The following FAM184B variants were observed in gnomAD, a reference collection of about 807,000 sequenced individuals.
The protein encoded by FAM184B is protein FAM184B.
A neutral mutation model predicts 135.9 loss-of-function variants in FAM184B; 111 were observed. That is an observed-to-expected ratio of 0.82 (90% CI 0.70 to 0.96). FAM184B has a LOEUF of 0.96. Among genes scored for constraint, FAM184B ranks in the 40% least tolerant of loss-of-function variants. The probability of loss-of-function intolerance (pLI) is 0.00; values close to 1 mark genes in which losing one functional copy is unlikely to be tolerated. For synonymous variants in FAM184B, 552 were observed against 524.8 expected (o/e 1.05, Z -0.71); for missense variants, 1,375 against 1,323.9 (o/e 1.04, Z -0.60).
intron 10 of FAM184B, among the ~76,000 whole-genome samples, chr4:17,655,599 C>A (rs1157974778): frequency 6.6e-6 from 1 of 152,206 alleles, no homozygotes; most frequent in Non-Finnish European, 1.5e-5. Flanking sequence ...CCCAGTGCTT[C>A]CAAATACCTT....
At position 17,758,871 on chromosome 4, in the gene FAM184B, TA is replaced by T. The variant is rs879795890; in HGVS notation, c.141+22287del. On this transcript the variant is annotated intron_variant, in intron 1 of 17. Transcript: ENST00000265018. The stretch of plus-strand genomic sequence containing the variant: ...CAGATAGCTTACCGAATTTAGGGGG[TA>T]AAAAAAAAAAACCAAGTAAGCTTAA... Among the ~76,000 whole-genome samples the T allele has an allele frequency of 4.4e-3, 607 of 138,278 alleles. 3 individuals are homozygous for T. Among genetic ancestry groups the T allele is most frequent in the African/African-American group, 0.013 (480 of 37,602 alleles). 90.7% of individuals were successfully genotyped at this position (138,278 alleles called of 152,430 possible). A position where few individuals can be genotyped will look rare whatever the true frequency, so the allele number is the denominator to read the frequency against.
At chr4:17,634,984 A>G (rs921253019) in intron 16 of FAM184B, 25 bp downstream of exon 16, 2 of 1,506,040 alleles carry the variant, frequency 1.3e-6, no homozygotes, top group South Asian at 1.2e-5. Flanking sequence ...TGTATAATGC[A>G]TTAAAACCAT....
intron 1 of FAM184B, among the ~76,000 whole-genome samples, chr4:17,765,461 G>A (rs935907076): frequency 6.6e-6 from 1 of 152,060 alleles, no homozygotes; most frequent in East Asian, 1.9e-4. Context: ...GATCAACAAA[G>A]GTGGCTCACA....
At chr4:17,734,280 T>C (rs1284872330) in intron 1 of FAM184B, among the ~76,000 whole-genome samples, 3 of 152,136 alleles carry the variant, frequency 2.0e-5, no homozygotes, top group Non-Finnish European at 4.4e-5. Flanking sequence ...GGCAAGGACT[T>C]CATGTCTAAA....
chr4:17,740,731 A>T (rs1159672252), intron 1 of FAM184B, among the ~76,000 whole-genome samples: 1 of 152,218 alleles, frequency 6.6e-6, no homozygotes, highest in African/African-American at 2.4e-5. Flanking sequence ...TCTAATATTT[A>T]TAAAAGCTAA....
At chr4:17,678,514 G>GA (rs1417994349) in intron 7 of FAM184B, among the ~76,000 whole-genome samples, 1 of 151,950 alleles carries the variant, frequency 6.6e-6, no homozygotes, top group Non-Finnish European at 1.5e-5. Context: ...AAACACTGCT[G>GA]AAAAAAATCA....
chr4:17,647,603 G>T (rs1432537254), intron 12 of FAM184B, 34 bp downstream of exon 12: 1 of 1,533,416 alleles, frequency 6.5e-7, no homozygotes, highest in Non-Finnish European at 8.8e-7. Flanking sequence ...TGCTCTGGGA[G>T]GGGTATTGCT....
intron 10 of FAM184B, among the ~76,000 whole-genome samples, chr4:17,656,292 G>A (rs1211757123): frequency 2.0e-5 from 3 of 152,174 alleles, no homozygotes; most frequent in East Asian, 1.9e-4. Context: ...CAGATTGTAA[G>A]CCAAAGTGAA....
At chr4:17,692,392 C>T (rs1466255882) in intron 6 of FAM184B, among the ~76,000 whole-genome samples, 1 of 152,194 alleles carries the variant, frequency 6.6e-6, no homozygotes, top group East Asian at 1.9e-4. Context: ...AAGACATACT[C>T]ATCATTTTTT....
chr4:17,721,253 G>A lies in FAM184B; in HGVS notation c.142-11609C>T, dbSNP rs190014938. ...AAAAAAATTAGCCAGGCGTAGTGGCGGACGCCTGTAGTCCCAGCTACTCAG... is the reference window on the plus strand; with the variant it reads ...AAAAAAATTAGCCAGGCGTAGTGGCAGACGCCTGTAGTCCCAGCTACTCAG... On this transcript the variant is annotated intron_variant, in intron 1 of 17. Transcript: ENST00000265018. Among the ~76,000 whole-genome samples, 364 of 151,730 alleles carry A rather than the reference G, an allele frequency of 2.4e-3. 2 individuals are homozygous for A. Among genetic ancestry groups the A allele is most frequent in the African/African-American group, 8.3e-3 (345 of 41,396 alleles).
rs1714919026 is a variant in FAM184B, at chr4:17,630,975, TTC to T, written c.*1555_*1556del. 1 of 152,242 alleles carries T rather than the reference TTC, an allele frequency of 6.6e-6. No homozygotes were observed. Among genetic ancestry groups the T allele is most frequent in the Non-Finnish European group, 1.5e-5 (1 of 68,032 alleles). 9.4% of individuals were successfully genotyped at this position (152,242 alleles called of 1,614,324 possible). A position where few individuals can be genotyped will look rare whatever the true frequency, so the allele number is the denominator to read the frequency against. On this transcript the variant is annotated 3_prime_UTR_variant, in exon 18 of 18. Coordinates refer to ENST00000265018, the MANE Select transcript of FAM184B (RefSeq NM_015688.2). ...AATTAACATTGGTTTGTGGGCCACCTTCTGGGCCAGCACCAAAGACTGAAAAA... is the reference window on the plus strand; with the variant it reads ...AATTAACATTGGTTTGTGGGCCACCTTGGGCCAGCACCAAAGACTGAAAAA...
At chr4:17,708,459 A>T (rs1398759521) in intron 2 of FAM184B, among the ~76,000 whole-genome samples, 1 of 151,610 alleles carries the variant, frequency 6.6e-6, no homozygotes, top group Non-Finnish European at 1.5e-5. Context: ...AGCCTGGCCA[A>T]CATGGCGAGA....
At chr4:17,703,014 C>T (rs1165269283) in intron 5 of FAM184B, among the ~76,000 whole-genome samples, 1 of 152,222 alleles carries the variant, frequency 6.6e-6, no homozygotes, top group Non-Finnish European at 1.5e-5. Flanking sequence ...ATTGCAGCTC[C>T]ACCACTTAGC....
chr4:17,744,748 C>T (rs907867680), intron 1 of FAM184B, among the ~76,000 whole-genome samples: 1 of 151,844 alleles, frequency 6.6e-6, no homozygotes, highest in Non-Finnish European at 1.5e-5. Context: ...AAGAAAAAAG[C>T]CACCAACTGC....
chr4:17,633,785 G>T lies in FAM184B; in HGVS notation c.2993C>A (p.Ala998Asp), dbSNP rs1010785297. ...LSGDLSSRIN[A>D]PPITTSPSLD... Reference sequence around the variant, plus strand: ...GCTGGGTGATGTAGTTATTGGAGGGGCATTAATCCTGGAACTCAGATCGCC... The same window carrying T: ...GCTGGGTGATGTAGTTATTGGAGGGTCATTAATCCTGGAACTCAGATCGCC... The change falls in exon 17 of 18, where the codon GCC becomes GAC. Residue 998 changes from alanine to aspartate, a missense_variant. Physicochemically the swap from Ala to Asp is moderately radical, Grantham distance 126. Transcript: ENST00000265018. 9 of 1,551,482 alleles carry T rather than the reference G, an allele frequency of 5.8e-6. No individual in the cohort carries two copies. In the African/African-American group the frequency reaches 1.1e-4, roughly 19 times the overall value.
At chr4:17,716,608 A>G (rs1035907037) in intron 1 of FAM184B, among the ~76,000 whole-genome samples, 1 of 152,090 alleles carries the variant, frequency 6.6e-6, no homozygotes, top group African/African-American at 2.4e-5. Flanking sequence ...AGCCTCCAAG[A>G]GTGCTGGGAT....
chr4:17,707,713 C>T lies in FAM184B; in HGVS notation c.966G>A (p.Gly322=), dbSNP rs144346815. ...TGTCTTTGGCAACAGCCAGCTTCTC[C>T]CCAAGTTTTTTTGCAGTGCCTTTCA... The part of the protein sequence containing the change: ...SELKGTAKKL[G]EKLAVAKDRM... The change falls in exon 3 of 18, where the codon GGG becomes GGA. Residue 322 remains glycine, a synonymous_variant. Coordinates refer to ENST00000265018, the MANE Select transcript of FAM184B (RefSeq NM_015688.2). The T allele has an allele frequency of 1.7e-5, 26 of 1,551,882 alleles. No individual in the cohort carries two copies. Among genetic ancestry groups the T allele is most frequent in the Non-Finnish European group, 2.2e-5 (25 of 1,147,036 alleles).
chr4:17,713,408 T>C (rs1388720995), intron 1 of FAM184B, among the ~76,000 whole-genome samples: 3 of 152,216 alleles, frequency 2.0e-5, no homozygotes, highest in Non-Finnish European at 4.4e-5. Context: ...CATCACTTGG[T>C]GCACAGGATT....
rs144784038 is a variant in FAM184B at position 17,730,931 on chromosome 4, G to T, written c.142-21287C>A. Among the ~76,000 whole-genome samples, 687 of 152,038 alleles carry T rather than the reference G, an allele frequency of 4.5e-3. 27 individuals are homozygous for T. The East Asian group carries it at 0.084, about 19-fold the overall frequency. ...CTGAAAGCCAAGGCTCGAGAATTAC[G>T]TGAAGAATGCAGAAGCCCCAGGAGC... On this transcript the variant is annotated intron_variant, in intron 1 of 17. Transcript: ENST00000265018.
Sources: gnomAD v4.1 joint callset for allele counts (sites outside exome capture counted in the v4.1 genomes callset) on GRCh38, gnomAD v4.1.1 for gene constraint, MANE v1.5 for transcripts, NCBI Gene and HGNC (gene_info 2026-07-23, HGNC 2026-07-21) for gene names.